Variants in CAB39L observed in about 807,000 individuals in gnomAD.
CAB39L encodes calcium binding protein 39 like.
Under a neutral mutation model 39.1 loss-of-function variants are expected in CAB39L, and 23 were observed. That is an observed-to-expected ratio of 0.59 (90% CI 0.42 to 0.83). The LOEUF is 0.83. Among genes scored for constraint, CAB39L ranks in the 40% least tolerant of loss-of-function variants. The pLI is 0.00. For missense variants in CAB39L, 366 were observed against 391.9 expected, an observed-to-expected ratio of 0.93 and a Z score of 0.56; for synonymous variants, 126 against 137.2, an observed-to-expected ratio of 0.92 and a Z score of 0.57.
chr13:49,338,259 C>T lies in CAB39L; in HGVS notation c.690+1418G>A, dbSNP rs546448814. ...AAGACTTGGAACCAACCCAAATGTC[C>T]AACAATGATAGACTGGATTAAGAAA... On this transcript the variant is annotated intron_variant, in intron 9 of 10. Transcript: ENST00000409308. Among the ~76,000 whole-genome samples, 9 of 151,708 alleles carry T rather than the reference C, an allele frequency of 5.9e-5. No homozygotes were observed. The South Asian group carries it at 1.9e-3, about 32-fold the overall frequency.
At chr13:49,389,226 C>T (rs1956435909) in intron 3 of CAB39L, among the ~76,000 whole-genome samples, 1 of 152,090 alleles carries the variant, frequency 6.6e-6, no homozygotes, top group African/African-American at 2.4e-5. Context: ...GGTATATATC[C>T]AAAGGAACTG....
At chr13:49,341,558 T>C (rs1421748240) in intron 8 of CAB39L, among the ~76,000 whole-genome samples, 1 of 152,096 alleles carries the variant, frequency 6.6e-6, no homozygotes, top group East Asian at 1.9e-4. Context: ...CTCCTTGCAG[T>C]AGAATGAGGT....
chr13:49,440,219 T>C (rs2138755927), intron 1 of CAB39L, among the ~76,000 whole-genome samples: 1 of 152,314 alleles, frequency 6.6e-6, no homozygotes, highest in Non-Finnish European at 1.5e-5. Context: ...AGTTCTTACA[T>C]TTAAATCTTT....
At chr13:49,342,473 T>C (rs1566076530) in intron 8 of CAB39L, among the ~76,000 whole-genome samples, 1 of 152,204 alleles carries the variant, frequency 6.6e-6, no homozygotes, top group Non-Finnish European at 1.5e-5. Flanking sequence ...ACCATATATA[T>C]AAATATTTAG....
At chr13:49,315,644 T>C (rs923293841) in intron 10 of CAB39L, among the ~76,000 whole-genome samples, 1 of 151,828 alleles carries the variant, frequency 6.6e-6, no homozygotes, top group Non-Finnish European at 1.5e-5. Context: ...TCCAGCAGCG[T>C]GGGAGGCCAA....
intron 5 of CAB39L, among the ~76,000 whole-genome samples, chr13:49,372,215 A>C (rs1955936654): frequency 6.6e-6 from 1 of 152,222 alleles, no homozygotes; most frequent in Admixed American, 6.5e-5. Flanking sequence ...TTGCAAACTC[A>C]GCCACAAATC....
chr13:49,345,969 A>G (rs1249037787), intron 7 of CAB39L, among the ~76,000 whole-genome samples: 1 of 151,218 alleles, frequency 6.6e-6, no homozygotes, highest in Non-Finnish European at 1.5e-5. Flanking sequence ...TAAAACCAAC[A>G]CTTTCAAATT....
intron 3 of CAB39L, among the ~76,000 whole-genome samples, chr13:49,394,549 C>G (rs957988795): frequency 6.6e-6 from 1 of 151,936 alleles, no homozygotes; most frequent in South Asian, 2.1e-4. Flanking sequence ...GGAAAATAAA[C>G]TAAAATAAAG....
chr13:49,402,838 T>G (rs1283976328), intron 3 of CAB39L, among the ~76,000 whole-genome samples: 1 of 152,144 alleles, frequency 6.6e-6, no homozygotes, highest in Non-Finnish European at 1.5e-5. Flanking sequence ...CGACTAGAGA[T>G]TAGTCTGCCA....
chr13:49,380,031 A>G (rs1025058341), intron 4 of CAB39L, among the ~76,000 whole-genome samples: 1 of 152,046 alleles, frequency 6.6e-6, no homozygotes, highest in Non-Finnish European at 1.5e-5. Flanking sequence ...TAGTAGAGAC[A>G]GGGTTTCACT....
chr13:49,374,135 C>G (rs1419983694), intron 5 of CAB39L, among the ~76,000 whole-genome samples: 1 of 152,086 alleles, frequency 6.6e-6, no homozygotes, highest in African/African-American at 2.4e-5. Context: ...AGAAGGATAA[C>G]GGCTGCATCT....
At chr13:49,396,472 G>A (rs928886352) in intron 3 of CAB39L, among the ~76,000 whole-genome samples, 26 of 152,174 alleles carry the variant, frequency 1.7e-4, no homozygotes, top group Non-Finnish European at 2.8e-4. Flanking sequence ...ACTTTGCGGG[G>A]CTAAGGTGGG....
intron 8 of CAB39L, among the ~76,000 whole-genome samples, chr13:49,342,338 T>C (rs1955030260): frequency 6.6e-6 from 1 of 152,196 alleles, no homozygotes; most frequent in Non-Finnish European, 1.5e-5. Flanking sequence ...TTTAATTTAA[T>C]ACTAAAGATT....
Position 49,377,259 on chromosome 13 carries a change from TACAA to T in CAB39L, c.112-132_112-129del, listed in dbSNP as rs1478948237. 6 of 594,514 alleles carry T rather than the reference TACAA, an allele frequency of 1.0e-5. No individual in the cohort carries two copies. In the South Asian group the frequency reaches 1.9e-4, roughly 18 times the overall value. The allele number at this position is 594,514 out of a possible 1,614,324, so 36.8% of individuals were successfully genotyped here. ...GTTTATTTATAATGAATGGCACAGT[TACAA>T]ACAAACAAAAACAGTGAGGGGAATC... On this transcript the variant is annotated intron_variant, in intron 4 of 10. Transcript: ENST00000409308.
intron 3 of CAB39L, among the ~76,000 whole-genome samples, chr13:49,425,039 TA>T (rs1158518759): frequency 1.3e-5 from 2 of 152,108 alleles, no homozygotes; most frequent in African/African-American, 2.4e-5. Flanking sequence ...AAAACTAATT[TA>T]AAATGTAACA....
chr13:49,390,576 TG>T (rs1014637991), intron 3 of CAB39L, among the ~76,000 whole-genome samples: 141 of 152,168 alleles, frequency 9.3e-4, no homozygotes, highest in African/African-American at 2.8e-3. Context: ...GAGCAAACCC[TG>T]GGGGGGATGG....
At chr13:49,329,543 AAAT>A (rs1954613724) in intron 10 of CAB39L, among the ~76,000 whole-genome samples, 1 of 33,428 alleles carries the variant, frequency 3.0e-5, no homozygotes, top group Non-Finnish European at 5.0e-5. Flanking sequence ...TTAAAAAAAA[AAAT>A]ATATATATAT....
rs988574595 is a variant in CAB39L at position 49,310,023 on chromosome 13, T to G, written c.*791A>C. The G allele has an allele frequency of 6.6e-6, 1 of 152,324 alleles. No homozygotes were observed. Among genetic ancestry groups the G allele is most frequent in the African/African-American group, 2.4e-5 (1 of 41,442 alleles). The allele number at this position is 152,324 out of a possible 1,614,324, so 9.4% of individuals were successfully genotyped here. On this transcript the variant is annotated 3_prime_UTR_variant, in exon 11 of 11. Transcript: ENST00000409308. ...CATTATGAAGGAAATATTCTGTCCC[T>G]CACTCACCCTCTGGAAGCTAATATG...
intron 10 of CAB39L, among the ~76,000 whole-genome samples, chr13:49,313,968 T>C (rs1268997434): frequency 6.6e-6 from 1 of 152,150 alleles, no homozygotes; most frequent in Non-Finnish European, 1.5e-5. Context: ...AATACAAGAC[T>C]GCAGAGGCTC....
Sources: gnomAD v4.1 joint callset for allele counts (sites outside exome capture counted in the v4.1 genomes callset) on GRCh38, gnomAD v4.1.1 for gene constraint, MANE v1.5 for transcripts, NCBI Gene and HGNC (gene_info 2026-07-23, HGNC 2026-07-21) for gene names.